GALNT18: variants seen among roughly 807,000 people sequenced by gnomAD.
GALNT18 encodes the protein polypeptide N-acetylgalactosaminyltransferase 18.
GALNT18 carries 44 observed loss-of-function variants against 69.5 expected under a neutral mutation model. That is an observed-to-expected ratio of 0.63 (90% CI 0.50 to 0.81). GALNT18 has a LOEUF of 0.81. GALNT18 is among the 40% of genes least tolerant of loss of function. The probability of loss-of-function intolerance (pLI) is 0.00; values close to 1 mark genes in which losing one functional copy is unlikely to be tolerated. For synonymous variants in GALNT18, 364 were observed against 318.2 expected (o/e 1.14, Z -1.53); for missense variants, 715 against 810.0 (o/e 0.88, Z 1.42).
chr11:11,394,576 C>T (rs574089653), intron 3 of GALNT18, among the ~76,000 whole-genome samples: 14 of 152,288 alleles, frequency 9.2e-5, no homozygotes, highest in African/African-American at 2.6e-4. Flanking sequence ...AGGAACTGGC[C>T]CACTCTAGAA....
In GALNT18 at chr11:11,592,202, C is replaced by T. The variant is rs1166503028; in HGVS notation, c.235+29157G>A. ...GTCCCTAGAAACATCATCAATCTGT[C>T]TCTGGCAGGCGTTTTTCTATTTAAT... On this transcript the variant is annotated intron_variant, in intron 1 of 10. Transcript: ENST00000227756. The surrounding 1 kb of genome is among the most constrained non-coding windows in gnomAD (Gnocchi z 5.9). 3.3e-5 allele frequency among the ~76,000 whole-genome samples: 5 copies of T among 152,262 alleles called. No individual in the cohort carries two copies. The highest frequency in any genetic ancestry group is 4.2e-4 in the South Asian group (2 of 4,818).
At chr11:11,526,851 C>A (rs968178346) in intron 1 of GALNT18, among the ~76,000 whole-genome samples, 44 of 152,182 alleles carry the variant, frequency 2.9e-4, no homozygotes, top group Admixed American at 3.3e-4. Flanking sequence ...GGGAATATTA[C>A]TCTCCCGCAG....
At position 11,546,493 on chromosome 11, in the gene GALNT18, G is replaced by A. The variant is rs1030176125; in HGVS notation, c.235+74866C>T. Among the ~76,000 whole-genome samples, 7 of 152,106 alleles carry A rather than the reference G, an allele frequency of 4.6e-5. No homozygotes were observed. Among genetic ancestry groups the A allele is most frequent in the East Asian group, 1.9e-4 (1 of 5,198 alleles). ...TTATCATCTCAGAACCTACAATCCC[G>A]TCTCTATAGTCCTCTACAAATCAAA... is the stretch of plus-strand genomic sequence containing the variant. On this transcript the variant is annotated intron_variant, in intron 1 of 10. Coordinates refer to ENST00000227756, the MANE Select transcript of GALNT18 (RefSeq NM_198516.3). This position sits in a 1 kb window ranked among gnomAD's most constrained non-coding sequence, Gnocchi z 5.8.
intron 3 of GALNT18, among the ~76,000 whole-genome samples, chr11:11,381,421 T>TGG (rs1853916703): frequency 3.3e-5 from 5 of 152,140 alleles, no homozygotes; most frequent in South Asian, 4.2e-4. Flanking sequence ...TCCTCAACCC[T>TGG]CAGGTGAGAC....
At chr11:11,418,969 T>C (rs1854928905) in intron 3 of GALNT18, among the ~76,000 whole-genome samples, 2 of 152,186 alleles carry the variant, frequency 1.3e-5, no homozygotes, top group Non-Finnish European at 2.9e-5. Context: ...GGGAGGGACC[T>C]ACACAGTGAA....
chr11:11,282,941 G>GT (rs35796512), intron 10 of GALNT18, among the ~76,000 whole-genome samples: 2 of 151,936 alleles, frequency 1.3e-5, no homozygotes, highest in African/African-American at 4.8e-5. Context: ...GAGGCTCGGG[G>GT]TGGTGGAGAG....
chr11:11,539,414 G>T (rs140992352), intron 1 of GALNT18, among the ~76,000 whole-genome samples: 1 of 152,324 alleles, frequency 6.6e-6, no homozygotes, highest in Non-Finnish European at 1.5e-5. Flanking sequence ...AGAGTGAGCA[G>T]GTCGCTTTCC....
In GALNT18 at chr11:11,605,250, G is replaced by A. The variant is rs1043231738; in HGVS notation, c.235+16109C>T. ...GGGTGGGTGATTCCCCAGGTGGCCA[G>A]CAGATAACTTGGAGTTCCAGGCTGC... On this transcript the variant is annotated intron_variant, in intron 1 of 10. Coordinates refer to ENST00000227756, the MANE Select transcript of GALNT18 (RefSeq NM_198516.3). The surrounding 1 kb of genome is among the most constrained non-coding windows in gnomAD (Gnocchi z 4.7). 5.9e-5 allele frequency among the ~76,000 whole-genome samples: 9 copies of A among 152,170 alleles called. No individual in the cohort carries two copies. The highest frequency in any genetic ancestry group is 2.2e-4 in the African/African-American group (9 of 41,444).
chr11:11,339,435 A>G lies in GALNT18; in HGVS notation c.1278+1384T>C, dbSNP rs921067236. ...GGTACAGAGAGAAGGCAGTAAGAGTATGCTCACTCACCAGTCCTAAGCAGA... is the reference window on the plus strand; with the variant it reads ...GGTACAGAGAGAAGGCAGTAAGAGTGTGCTCACTCACCAGTCCTAAGCAGA... On this transcript the variant is annotated intron_variant, in intron 7 of 10. Transcript: ENST00000227756. The surrounding 1 kb of genome is among the most constrained non-coding windows in gnomAD (Gnocchi z 5.2). 6.6e-6 allele frequency among the ~76,000 whole-genome samples: 1 copy of G among 152,178 alleles called. No homozygotes were observed. Among genetic ancestry groups the G allele is most frequent in the African/African-American group, 2.4e-5 (1 of 41,452 alleles).
intron 1 of GALNT18, among the ~76,000 whole-genome samples, chr11:11,456,406 C>T (rs1232495996): frequency 6.6e-6 from 1 of 152,230 alleles, no homozygotes; most frequent in African/African-American, 2.4e-5. Flanking sequence ...CTCACTTGGT[C>T]TGTACTGGTT....
At chr11:11,554,369 C>T (rs11021925) in intron 1 of GALNT18, among the ~76,000 whole-genome samples, 3,177 of 150,710 alleles carry the variant, frequency 0.021, 55 homozygotes, top group Non-Finnish European at 0.031. Flanking sequence ...ACCACCGTGA[C>T]GGGGAGGCAC....
chr11:11,331,949 T>C (rs2133048438), intron 8 of GALNT18, among the ~76,000 whole-genome samples: 1 of 152,288 alleles, frequency 6.6e-6, no homozygotes, highest in Non-Finnish European at 1.5e-5. Flanking sequence ...ATATTCGAAG[T>C]ATTTTAACCT....
Position 11,372,440 on chromosome 11 carries a change from C to T in GALNT18, c.1092+75G>A. On this transcript the variant is annotated intron_variant, in intron 6 of 10. Transcript: ENST00000227756. This position sits in a 1 kb window ranked among gnomAD's most constrained non-coding sequence, Gnocchi z 4.9. ...AGTCTGTGACCCTCAACCTTAAACC[C>T]CATTTCTCCACCCCCAGACTCATTC... 8.8e-7 allele frequency: 1 copy of T among 1,138,822 alleles called. No homozygotes were observed. The highest frequency in any genetic ancestry group is 1.3e-6 in the Non-Finnish European group (1 of 753,638). 70.5% of individuals were successfully genotyped at this position (1,138,822 alleles called of 1,614,324 possible).
At chr11:11,408,948 C>G (rs1030076724) in intron 3 of GALNT18, among the ~76,000 whole-genome samples, 10 of 152,176 alleles carry the variant, frequency 6.6e-5, no homozygotes, top group African/African-American at 2.2e-4. Flanking sequence ...CTCCAAAAGG[C>G]AAAACAGCAG....
rs1248682792 is a variant in GALNT18 at position 11,598,696 on chromosome 11, TAAGATA to T, written c.235+22657_235+22662del. ...TGTCAACCTATCACAGCTAGGTAAT[TAAGATA>T]TTTTTTCTTTTTCAATATAGACATT... On this transcript the variant is annotated intron_variant, in intron 1 of 10. Transcript: ENST00000227756. This position sits in a 1 kb window ranked among gnomAD's most constrained non-coding sequence, Gnocchi z 4.8. Among the ~76,000 whole-genome samples the T allele has an allele frequency of 6.6e-6, 1 of 152,184 alleles. No individual in the cohort carries two copies. The highest frequency in any genetic ancestry group is 1.9e-4 in the East Asian group (1 of 5,198).
chr11:11,515,692 G>A (rs1857259463), intron 1 of GALNT18, among the ~76,000 whole-genome samples: 1 of 152,232 alleles, frequency 6.6e-6, no homozygotes, highest in South Asian at 2.1e-4. Context: ...AGGCCTCTCT[G>A]ACCAGATGAA....
chr11:11,279,567 A>T (rs1228807487), intron 10 of GALNT18, among the ~76,000 whole-genome samples: 1 of 150,396 alleles, frequency 6.6e-6, no homozygotes, highest in African/African-American at 2.4e-5. Flanking sequence ...TATAATGGAA[A>T]CCTATATAGC....
chr11:11,392,551 G>A (rs371812030), intron 3 of GALNT18, among the ~76,000 whole-genome samples: 29 of 152,266 alleles, frequency 1.9e-4, no homozygotes, highest in Non-Finnish European at 3.1e-4. Context: ...CCCAGGAGGC[G>A]GAGGTCGTGG....
At chr11:11,319,719 G>A (rs147320561) in intron 9 of GALNT18, among the ~76,000 whole-genome samples, 6 of 152,322 alleles carry the variant, frequency 3.9e-5, no homozygotes, top group Non-Finnish European at 7.3e-5. Flanking sequence ...AATAACCTGA[G>A]CCAATGATTG....
Sources: allele counts gnomAD v4.1 joint callset (sites outside exome capture counted in the v4.1 genomes callset), GRCh38; gene constraint gnomAD v4.1.1; non-coding constraint Gnocchi (gnomAD v3.1); transcripts MANE v1.5; gene names NCBI Gene and HGNC (gene_info 2026-07-23, HGNC 2026-07-21).